The following ADGRL1 variants were observed in gnomAD, a reference collection of about 807,000 sequenced individuals.
ADGRL1 encodes adhesion G protein-coupled receptor L1, also known as CIRL-1.
Under a neutral mutation model 148.9 loss-of-function variants are expected in ADGRL1, and 31 were observed. The ratio of observed to expected loss-of-function variants is 0.21; its 90% CI spans 0.16 to 0.28. ADGRL1 has a LOEUF of 0.28. Among genes scored for constraint, ADGRL1 ranks in the 10% least tolerant of loss-of-function variants. The pLI is 1.00. For synonymous variants in ADGRL1, 937 were observed against 900.3 expected (o/e 1.04, Z -0.73); for missense variants, 1,521 against 2,058.8 (o/e 0.74, Z 5.05).
intron 18 of ADGRL1, among the ~76,000 whole-genome samples, chr19:14,154,315 C>T (rs1430345301): frequency 1.3e-5 from 2 of 152,194 alleles, no homozygotes; most frequent in Non-Finnish European, 2.9e-5. Context: ...CTCACCACTC[C>T]CCAAGTCCAA....
At chr19:14,204,708 G>T (rs1475862518) in intron 1 of ADGRL1, among the ~76,000 whole-genome samples, 2 of 70,482 alleles carry the variant, frequency 2.8e-5, no homozygotes, top group Non-Finnish European at 5.6e-5. Flanking sequence ...GAAAGACAGA[G>T]AGAGTGAGAG....
At chr19:14,158,229 A>G (rs1051514973) in intron 12 of ADGRL1, 109 bp downstream of exon 12, 2 of 1,304,534 alleles carry the variant, frequency 1.5e-6, no homozygotes, top group African/African-American at 2.9e-5. Context: ...CTAAAGTGGA[A>G]GAACCCATAA....
chr19:14,159,266 T>C lies in ADGRL1; in HGVS notation c.2024-51A>G. The C allele has an allele frequency of 6.2e-7, 1 of 1,600,334 alleles. No individual in the cohort carries two copies. Among genetic ancestry groups the C allele is most frequent in the Non-Finnish European group, 8.5e-7 (1 of 1,170,418 alleles). ...ATACACAGTTGGGGTCTGTTCCCAG[T>C]CCAGGGGCTCAGGCTGCAGAACGAG... On this transcript the variant is annotated intron_variant, in intron 10 of 22. Coordinates refer to ENST00000361434, the MANE Select transcript of ADGRL1 (RefSeq NM_014921.5). The surrounding 1 kb of genome is among the most constrained non-coding windows in gnomAD (Gnocchi z 6.0).
intron 1 of ADGRL1, among the ~76,000 whole-genome samples, chr19:14,194,842 C>T (rs1199582815): frequency 1.3e-5 from 2 of 151,970 alleles, no homozygotes; most frequent in Non-Finnish European, 2.9e-5. Flanking sequence ...TCTCTGGTCA[C>T]CTTATTTGTC....
intron 1 of ADGRL1, among the ~76,000 whole-genome samples, chr19:14,188,536 T>G (rs1286973821): frequency 6.6e-6 from 1 of 151,978 alleles, no homozygotes; most frequent in Non-Finnish European, 1.5e-5. Context: ...GCCACCATCC[T>G]CCCAGGCCCT....
intron 3 of ADGRL1, 147 bp downstream of exon 3, chr19:14,177,384 C>G: frequency 1.4e-6 from 1 of 734,244 alleles, no homozygotes; most frequent in Non-Finnish European, 2.3e-6. Context: ...TTATTCTCGT[C>G]TGCATGGGGC....
rs897112222 is a variant in ADGRL1, at chr19:14,155,040, C to G, written c.3294+319G>C. 1 of 192,976 alleles carries G rather than the reference C, an allele frequency of 5.2e-6. No individual in the cohort carries two copies. The highest frequency in any genetic ancestry group is 2.3e-5 in the African/African-American group (1 of 42,660). 12.0% of individuals were successfully genotyped at this position (192,976 alleles called of 1,614,324 possible). ...GGCAGTGCTCCCTCAGGGTGGCTCCCAAAGTCCTCCCTCTCCCAGGCCTGA... is the reference window on the plus strand; with the variant it reads ...GGCAGTGCTCCCTCAGGGTGGCTCCGAAAGTCCTCCCTCTCCCAGGCCTGA... On this transcript the variant is annotated intron_variant, in intron 18 of 22. Coordinates refer to ENST00000361434, the MANE Select transcript of ADGRL1 (RefSeq NM_014921.5). The surrounding 1 kb of genome is among the most constrained non-coding windows in gnomAD (Gnocchi z 5.0).
chr19:14,192,975 CAG>C (rs1351635944), intron 1 of ADGRL1, among the ~76,000 whole-genome samples: 1 of 152,184 alleles, frequency 6.6e-6, no homozygotes, highest in Non-Finnish European at 1.5e-5. Context: ...TTACTGAAGA[CAG>C]GGGAGTGACT....
In ADGRL1 at chr19:14,187,839, C is replaced by G. The variant is rs189847786; in HGVS notation, c.-95-4142G>C. On this transcript the variant is annotated intron_variant, in intron 1 of 22. Coordinates refer to ENST00000361434, the MANE Select transcript of ADGRL1 (RefSeq NM_014921.5). Reference sequence around the variant, plus strand: ...CAGCCACAGAAAGGTTCAGGGGAGGCAGTGTCCCCAAGCTGAGGATACTCC... The same window carrying G: ...CAGCCACAGAAAGGTTCAGGGGAGGGAGTGTCCCCAAGCTGAGGATACTCC... 6.9e-4 allele frequency among the ~76,000 whole-genome samples: 105 copies of G among 152,196 alleles called. 2 individuals are homozygous for G. In the South Asian group the frequency reaches 0.017, roughly 24 times the overall value.
At chr19:14,173,803 C>T (rs1011649879) in intron 3 of ADGRL1, among the ~76,000 whole-genome samples, 2 of 151,812 alleles carry the variant, frequency 1.3e-5, no homozygotes, top group East Asian at 1.9e-4. Context: ...AAAAATTAGC[C>T]GGGCGTGGTG....
At chr19:14,170,979 G>A (rs34031560) in intron 3 of ADGRL1, 188 bp from the exon 4 acceptor site, 82,248 of 548,598 alleles carry the variant, frequency 0.15, 7,436 homozygotes, top group African/African-American at 0.32. Flanking sequence ...GTGATCTCCA[G>A]TGTTGGAGGT....
Position 14,177,462 on chromosome 19 carries a change from T to G in ADGRL1, c.284+69A>C, listed in dbSNP as rs1970900799. 3 of 1,381,800 alleles carry G rather than the reference T, an allele frequency of 2.2e-6. No homozygotes were observed. In the East Asian group the frequency reaches 6.9e-5, roughly 32 times the overall value. 85.6% of individuals were successfully genotyped at this position (1,381,800 alleles called of 1,614,324 possible). A position where few individuals can be genotyped will look rare whatever the true frequency, so the allele number is the denominator to read the frequency against. On this transcript the variant is annotated intron_variant, in intron 3 of 22. Transcript: ENST00000361434. ...AAAAAAAAGATGTAAGGTGAACGGGTGTGCTGGCAGGTGTGCAGTGCTTTT... is the reference window on the plus strand; with the variant it reads ...AAAAAAAAGATGTAAGGTGAACGGGGGTGCTGGCAGGTGTGCAGTGCTTTT...
At chr19:14,194,763 T>C (rs1972152515) in intron 1 of ADGRL1, among the ~76,000 whole-genome samples, 1 of 149,548 alleles carries the variant, frequency 6.7e-6, no homozygotes, top group Non-Finnish European at 1.5e-5. Context: ...TGGTCACGCC[T>C]GGACGTTCTA....
rs1467312154 is a variant in ADGRL1, at chr19:14,156,173, A to G, written c.3062T>C (p.Leu1021Pro). 6.2e-7 allele frequency: 1 copy of G among 1,612,502 alleles called. No homozygotes were observed. The highest frequency in any genetic ancestry group is 8.5e-7 in the Non-Finnish European group (1 of 1,179,624). The part of the protein sequence containing the change: ...VVNLVFLMVT[L>P]HKMIRSSSVL... The stretch of plus-strand genomic sequence containing the variant: ...AGATGAGCTTCGGATCATCTTGTGC[A>G]GGGTCACCATGAGGAACACCAGGTT... The change falls in exon 17 of 23, where the codon CTG becomes CCG. Residue 1021 changes from leucine to proline, a missense_variant. This residue lies in a region of ADGRL1 where 185 missense variants were observed against 251.7 expected (regional missense o/e 0.74). Transcript: ENST00000361434.
chr19:14,157,956 A>C lies in ADGRL1; in HGVS notation c.2461T>G (p.Ser821Ala). 1 of 1,614,074 alleles carries C rather than the reference A, an allele frequency of 6.2e-7. No homozygotes were observed. Among genetic ancestry groups the C allele is most frequent in the Non-Finnish European group, 8.5e-7 (1 of 1,180,006 alleles). ...WSTQGCRLVE[S>A]NKTHTTCACS... is the part of the protein sequence containing the mutation. Reference sequence around the variant, plus strand: ...GCACACGTGGTATGGGTCTTGTTGGACTCCACCAGGCGGCAGCCTTGGGTC... The same window carrying C: ...GCACACGTGGTATGGGTCTTGTTGGCCTCCACCAGGCGGCAGCCTTGGGTC... Residue 821 changes from serine (S) to alanine (A), a missense_variant, in exon 13 of 23, where the codon TCC becomes GCC. Physicochemically the swap from Ser to Ala is moderately conservative, Grantham distance 99 (BLOSUM62 1). Around this residue, in one of 8 missense-constraint regions of ADGRL1, gnomAD observed 265 missense variants for 431.9 expected, o/e 0.61. Transcript: ENST00000361434. This position sits in a 1 kb window ranked among gnomAD's most constrained non-coding sequence, Gnocchi z 7.5.
In ADGRL1 at chr19:14,170,800, G is replaced by T; in HGVS notation, c.285-9C>A. ...GGGTGCGGTTGTTACACCTTCAGAG[G>T]AGAAACAGGGCATTGGGAAAGAAAC... On this transcript the variant is annotated splice_polypyrimidine_tract_variant and intron_variant, in intron 3 of 22. Transcript: ENST00000361434. 2 of 1,391,710 alleles carry T rather than the reference G, an allele frequency of 1.4e-6. No individual in the cohort carries two copies. The highest frequency in any genetic ancestry group is 2.0e-6 in the Non-Finnish European group (2 of 983,626). The allele number at this position is 1,391,710 out of a possible 1,614,324, so 86.2% of individuals were successfully genotyped here.
In ADGRL1 at chr19:14,152,317, T is replaced by C. The variant is rs753606611; in HGVS notation, c.3641A>G (p.Asn1214Ser). 5 of 1,597,302 alleles carry C rather than the reference T, an allele frequency of 3.1e-6. No individual in the cohort carries two copies. In the East Asian group the frequency reaches 1.1e-4, roughly 36 times the overall value. Residue 1214 changes from asparagine (N) to serine (S), a missense_variant, in exon 21 of 23, where the codon AAC becomes AGC. Physicochemically the swap from Asn to Ser is conservative, Grantham distance 46 (BLOSUM62 1). Coordinates refer to ENST00000361434, the MANE Select transcript of ADGRL1 (RefSeq NM_014921.5). The surrounding 1 kb of genome is among the most constrained non-coding windows in gnomAD (Gnocchi z 6.1). ...GFNPSSPPVF[N>S]SPGSYREPKH... ...TTCCCCCGTGCTCTCACCTGGGGAG[T>C]TGAAGACAGGGGGCGAGGAGGGATT...
At chr19:14,170,630 A>C (rs1970387887) in intron 4 of ADGRL1, 52 bp downstream of exon 4, 1 of 1,099,784 alleles carries the variant, frequency 9.1e-7, no homozygotes, top group Admixed American at 1.9e-5. Context: ...TCTCCTCCTC[A>C]CTCACTCATG....
intron 2 of ADGRL1, among the ~76,000 whole-genome samples, chr19:14,178,577 G>A (rs1346956754): frequency 1.3e-5 from 2 of 152,140 alleles, no homozygotes; most frequent in Admixed American, 6.5e-5. Context: ...GGAGTGCAGT[G>A]GTGCGATCAT....
Sources: gnomAD v4.1 joint callset for allele counts (sites outside exome capture counted in the v4.1 genomes callset) on GRCh38, gnomAD v4.1.1 for gene constraint, gnomAD v4.1.1 regional missense constraint, Gnocchi (gnomAD v3.1) non-coding constraint, MANE v1.5 for transcripts, NCBI Gene and HGNC (gene_info 2026-07-23, HGNC 2026-07-21) for gene names.